The following DMAP1 variants were observed in gnomAD, a reference collection of about 807,000 sequenced individuals.
DMAP1 encodes the protein DNA methyltransferase 1 associated protein 1.
In DMAP1, 26 loss-of-function variants were observed where a neutral mutation model predicts 52.7. That is an observed-to-expected ratio of 0.49 (90% CI 0.36 to 0.68). The LOEUF is 0.68. DMAP1 is among the 30% of genes least tolerant of loss of function. DMAP1 has a pLI of 0.00. For synonymous variants in DMAP1, 231 were observed against 246.0 expected (o/e 0.94, Z 0.57); for missense variants, 439 against 625.2 (o/e 0.70, Z 3.18).
At chr1:44,215,745 C>G (rs1450765143) in intron 3 of DMAP1, 1 of 183,288 alleles carries the variant, frequency 5.5e-6, no homozygotes, top group Admixed American at 5.4e-5. Flanking sequence ...AATCACATCT[C>G]TGACTATATT....
chr1:44,215,257 T>G (rs935999531), intron 3 of DMAP1: 1 of 473,266 alleles, frequency 2.1e-6, no homozygotes, highest in African/African-American at 2.0e-5. Flanking sequence ...GAGCAGTGCT[T>G]CCTTCGCATC....
chr1:44,213,723 C>T lies in DMAP1; in HGVS notation c.-31C>T, dbSNP rs1237592088. 1.9e-6 allele frequency: 3 copies of T among 1,553,760 alleles called. No individual in the cohort carries two copies. Among genetic ancestry groups the T allele is most frequent in the South Asian group, 2.4e-5 (2 of 84,210 alleles). ...TCCTTCTTCAGGCACTGACCCTTGA[C>T]CTCCGGTGGCTCCCCCATCTCTCAG... On this transcript the variant is annotated 5_prime_UTR_variant, in exon 1 of 10. Transcript: ENST00000372289. The surrounding 1 kb of genome is among the most constrained non-coding windows in gnomAD (Gnocchi z 4.5).
intron 2 of DMAP1, 129 bp downstream of exon 2, chr1:44,214,570 G>A (rs764838217): frequency 5.0e-6 from 8 of 1,612,448 alleles, no homozygotes; most frequent in South Asian, 3.3e-5. Context: ...CAGGATGCAG[G>A]AGGACCTGAA....
chr1:44,214,232 T>C, intron 1 of DMAP1, 118 bp from the exon 2 acceptor site: 1 of 946,562 alleles, frequency 1.1e-6, no homozygotes, highest in Non-Finnish European at 1.7e-6. Flanking sequence ...CTTTACAGTG[T>C]GTCAGTTTGC....
In DMAP1 at chr1:44,219,815, C is replaced by T; in HGVS notation, c.988C>T (p.Pro330Ser). 1 of 1,614,112 alleles carries T rather than the reference C, an allele frequency of 6.2e-7. No individual in the cohort carries two copies. The highest frequency in any genetic ancestry group is 8.5e-7 in the Non-Finnish European group (1 of 1,180,012). The change falls in exon 8 of 10, where the codon CCA becomes TCA. Residue 330 changes from proline (P) to serine (S), a missense_variant. Around this residue, in one of 3 missense-constraint regions of DMAP1, gnomAD observed 179 missense variants for 285.9 expected, o/e 0.63. Transcript: ENST00000372289. ...CCAGCTTTCATTGCAGATGAAGCTG[C>T]CAAGCTCTGTGGGACAGAAGAAGAT... ...VTLRSQRMKL[P>S]SSVGQKKIKA... is the part of the protein sequence containing the mutation.
At chr1:44,214,080 A>G (rs1485859606) in intron 1 of DMAP1, among the ~76,000 whole-genome samples, 1 of 152,224 alleles carries the variant, frequency 6.6e-6, no homozygotes, top group Non-Finnish European at 1.5e-5. Flanking sequence ...CTAAGAGCTG[A>G]GAGGACCAGG....
Position 44,213,674 on chromosome 1 carries a change from C to T in DMAP1, c.-80C>T. 1.5e-6 allele frequency: 2 copies of T among 1,362,806 alleles called. No individual in the cohort carries two copies. Among genetic ancestry groups the T allele is most frequent in the Non-Finnish European group, 2.0e-6 (2 of 982,192 alleles). The allele number at this position is 1,362,806 out of a possible 1,614,324, so 84.4% of individuals were successfully genotyped here. On this transcript the variant is annotated 5_prime_UTR_variant, in exon 1 of 10. Transcript: ENST00000372289. This position sits in a 1 kb window ranked among gnomAD's most constrained non-coding sequence, Gnocchi z 4.5. ...TCGCCTCCGCTTAGGTCTGGATTGG[C>T]CCCGCCCCCTGACCTGAGCCTGGTC...
chr1:44,218,566 T>C lies in DMAP1; in HGVS notation c.553-22T>C. 1 of 1,607,910 alleles carries C rather than the reference T, an allele frequency of 6.2e-7. No homozygotes were observed. The highest frequency in any genetic ancestry group is 1.1e-5 in the South Asian group (1 of 90,796). The stretch of plus-strand genomic sequence containing the variant: ...CCACATGCCCCTGAATGTTCATTCC[T>C]CTACCCTGTCTTGCTCCTCAGAAGC... On this transcript the variant is annotated intron_variant, in intron 4 of 9. Coordinates refer to ENST00000372289, the MANE Select transcript of DMAP1 (RefSeq NM_019100.5). The surrounding 1 kb of genome is among the most constrained non-coding windows in gnomAD (Gnocchi z 5.6).
In DMAP1 at chr1:44,219,261, C is replaced by T; in HGVS notation, c.906+20C>T. 1.2e-6 allele frequency: 2 copies of T among 1,608,810 alleles called. No homozygotes were observed. Among genetic ancestry groups the T allele is most frequent in the South Asian group, 1.1e-5 (1 of 90,414 alleles). On this transcript the variant is annotated intron_variant, in intron 6 of 9. Transcript: ENST00000372289. The stretch of plus-strand genomic sequence containing the variant: ...AAGCCGGTGCGGAGGTTCCGCCAGC[C>T]TAGCTCAGGGTGGAAGGGTCACCTG...
chr1:44,219,650 A>G (rs1009040749), intron 7 of DMAP1, 156 bp from the exon 8 acceptor site: 153 of 1,174,512 alleles, frequency 1.3e-4, no homozygotes, highest in Non-Finnish European at 2.6e-5. Flanking sequence ...AGCAGCTTTC[A>G]CTATATTCAG....
chr1:44,219,758 A>G (rs2154314438), intron 7 of DMAP1, 48 bp from the exon 8 acceptor site: 33 of 1,607,690 alleles, frequency 2.1e-5, no homozygotes, highest in Non-Finnish European at 2.8e-5. Context: ...CCTTCATCCT[A>G]AGCCTCTTGT....
intron 3 of DMAP1, chr1:44,217,873 T>C: frequency 3.8e-6 from 1 of 261,544 alleles, no homozygotes; most frequent in South Asian, 4.5e-5. Context: ...TGGCAAACTC[T>C]GGGGGAGTGG....
At position 44,213,858 on chromosome 1, in the gene DMAP1, G is replaced by C. The variant is rs1249757858; in HGVS notation, c.105G>C (p.Lys35Asn). 1.9e-6 allele frequency: 3 copies of C among 1,578,364 alleles called. No homozygotes were observed. The highest frequency in any genetic ancestry group is 2.6e-6 in the Non-Finnish European group (3 of 1,162,486). ...AGAAGGACATTATCAACCCGGACAAGGTAGCAGGGGCACCTGAAAGCGTTG... is the reference window on the plus strand; with the variant it reads ...AGAAGGACATTATCAACCCGGACAACGTAGCAGGGGCACCTGAAAGCGTTG... ...ISKKDIINPD[K>N]KKSKKSSETL... The change falls in exon 1 of 10, where the codon AAG becomes AAC. Residue 35 changes from lysine to asparagine, a missense_variant and splice_region_variant. Coordinates refer to ENST00000372289, the MANE Select transcript of DMAP1 (RefSeq NM_019100.5). The surrounding 1 kb of genome is among the most constrained non-coding windows in gnomAD (Gnocchi z 4.5).
In DMAP1 at chr1:44,218,624, C is replaced by T. The variant is rs747268999; in HGVS notation, c.589C>T (p.His197Tyr). ...GGAAGACCTGAAGGAGCGGTACTACCACATCTGTGCTAAGCTTGCCAACGT... is the reference window on the plus strand; with the variant it reads ...GGAAGACCTGAAGGAGCGGTACTACTACATCTGTGCTAAGCTTGCCAACGT... ...SVEDLKERYY[H>Y]ICAKLANVRA... Residue 197 changes from histidine to tyrosine, a missense_variant, in exon 5 of 10, where the codon CAC becomes TAC. His to Tyr is a moderately conservative substitution (Grantham distance 83). This residue lies in a region of DMAP1 where 142 missense variants were observed against 149.5 expected (regional missense o/e 0.95). Transcript: ENST00000372289. The surrounding 1 kb of genome is among the most constrained non-coding windows in gnomAD (Gnocchi z 5.6). 3 of 1,613,268 alleles carry T rather than the reference C, an allele frequency of 1.9e-6. No homozygotes were observed. The highest frequency in any genetic ancestry group is 2.5e-6 in the Non-Finnish European group (3 of 1,179,308).
At chr1:44,214,678 G>C (rs751061228) in intron 2 of DMAP1, 25 bp from the exon 3 acceptor site, 32 of 1,611,456 alleles carry the variant, frequency 2.0e-5, no homozygotes, top group Non-Finnish European at 2.5e-5. Flanking sequence ...TTCTAACCTC[G>C]CATCTCCCTA....
intron 3 of DMAP1, chr1:44,215,609 G>A (rs1643776245): frequency 3.2e-6 from 1 of 311,186 alleles, no homozygotes; most frequent in African/African-American, 2.2e-5. Flanking sequence ...GAGATAAAGA[G>A]TGAACTTGTA....
chr1:44,219,041 C>A lies in DMAP1; in HGVS notation c.721-15C>A. 1 of 1,613,556 alleles carries A rather than the reference C, an allele frequency of 6.2e-7. No homozygotes were observed. Among genetic ancestry groups the A allele is most frequent in the Non-Finnish European group, 8.5e-7 (1 of 1,179,706 alleles). ...AGAAGTGCCCTCACACACTTCGCAT[C>A]CCTCACTTTCCCAGGTGGCAGAGGA... is the stretch of plus-strand genomic sequence containing the variant. On this transcript the variant is annotated splice_polypyrimidine_tract_variant and intron_variant, in intron 5 of 9. Coordinates refer to ENST00000372289, the MANE Select transcript of DMAP1 (RefSeq NM_019100.5).
chr1:44,218,294 T>TCCCTCTGTGCTAGTAGACTGTGC lies in DMAP1; in HGVS notation c.394-16_400dup. 6.2e-7 allele frequency: 1 copy of TCCCTCTGTGCTAGTAGACTGTGC among 1,614,218 alleles called. No individual in the cohort carries two copies. The highest frequency in any genetic ancestry group is 2.2e-5 in the East Asian group (1 of 44,884). ...ATCATGCGGGCATGCCCCTACTGTG[T>TCCCTCTGTGCTAGTAGACTGTGC]CCCTCTGTGCTAGTAGACTGTGCAG... On this transcript the variant is annotated splice_polypyrimidine_tract_variant and intron_variant, in intron 3 of 9. Coordinates refer to ENST00000372289, the MANE Select transcript of DMAP1 (RefSeq NM_019100.5). The surrounding 1 kb of genome is among the most constrained non-coding windows in gnomAD (Gnocchi z 5.6).
Position 44,213,562 on chromosome 1 carries a change from G to T in DMAP1, c.-192G>T, listed in dbSNP as rs539001936. On this transcript the variant is annotated 5_prime_UTR_variant, in exon 1 of 10. Coordinates refer to ENST00000372289, the MANE Select transcript of DMAP1 (RefSeq NM_019100.5). This position sits in a 1 kb window ranked among gnomAD's most constrained non-coding sequence, Gnocchi z 4.5. ...TGCGAGGGCCCAGGTGGCTGAAGGG[G>T]CCGTTAGGAACATCCAAGCGGTGGG... 334 of 532,722 alleles carry T rather than the reference G, an allele frequency of 6.3e-4. No homozygotes were observed. Among genetic ancestry groups the T allele is most frequent in the Non-Finnish European group, 9.1e-4 (272 of 298,258 alleles). 33.0% of individuals were successfully genotyped at this position (532,722 alleles called of 1,614,324 possible).
Sources: allele counts gnomAD v4.1 joint callset (sites outside exome capture counted in the v4.1 genomes callset), GRCh38; gene constraint gnomAD v4.1.1; regional missense constraint gnomAD v4.1.1; non-coding constraint Gnocchi (gnomAD v3.1); transcripts MANE v1.5; gene names NCBI Gene and HGNC (gene_info 2026-07-23, HGNC 2026-07-21).